Variants in MSI2 observed in about 807,000 individuals in gnomAD.
MSI2 encodes RNA-binding protein Musashi homolog 2.
A neutral mutation model predicts 45.6 loss-of-function variants in MSI2; 17 were observed. The ratio of observed to expected loss-of-function variants is 0.37; its 90% confidence interval spans 0.26 to 0.56. The LOEUF (loss-of-function observed/expected upper bound fraction) is 0.56. MSI2 is among the 20% of genes least tolerant of loss of function. The pLI, the probability that MSI2 is intolerant of heterozygous loss-of-function variation, is 0.77. For missense variants in MSI2, 293 were observed against 444.2 expected (o/e 0.66, Z 3.06); for synonymous variants, 156 against 158.2 (o/e 0.99, Z 0.11).
chr17:57,534,531 G>A lies in MSI2; in HGVS notation c.454+4807G>A, dbSNP rs568729534. 2.6e-5 allele frequency among the ~76,000 whole-genome samples: 4 copies of A among 152,270 alleles called. No homozygotes were observed. The East Asian group carries it at 7.7e-4, about 29-fold the overall frequency. ...GTTCAAGACCAGCCTGGCCAACATG[G>A]TGATACCCTGTCTCTACTAAAAATA... On this transcript the variant is annotated intron_variant, in intron 7 of 13. Transcript: ENST00000284073.
At chr17:57,549,664 A>T (rs1396869624) in intron 7 of MSI2, among the ~76,000 whole-genome samples, 1 of 152,184 alleles carries the variant, frequency 6.6e-6, no homozygotes. Context: ...CCCTCCATTT[A>T]CCTAATGGGT....
At chr17:57,575,449 G>T (rs184538710) in intron 7 of MSI2, among the ~76,000 whole-genome samples, 1 of 152,140 alleles carries the variant, frequency 6.6e-6, no homozygotes, top group African/African-American at 2.4e-5. Context: ...CCAAGCTGCC[G>T]CAGCCTGGAG....
chr17:57,632,453 G>A (rs1909470908), intron 10 of MSI2: 2 of 1,065,960 alleles, frequency 1.9e-6, no homozygotes, highest in South Asian at 4.5e-5. Flanking sequence ...GGACAGTGGA[G>A]TCATCCAGGT....
chr17:57,500,861 G>T (rs1396409307), intron 6 of MSI2, among the ~76,000 whole-genome samples: 2 of 151,294 alleles, frequency 1.3e-5, no homozygotes, highest in Non-Finnish European at 2.9e-5. Context: ...TACTTGGGAG[G>T]CTGAGGTGGG....
Position 57,273,425 on chromosome 17 carries a change from G to A in MSI2, c.312+11233G>A, listed in dbSNP as rs529175065. Among the ~76,000 whole-genome samples the A allele has an allele frequency of 2.0e-5, 3 of 149,450 alleles. No homozygotes were observed. In the South Asian group the frequency reaches 6.3e-4, roughly 31 times the overall value. ...TTTCCCTGCAGTACACGATGTTCAG[G>A]TTAATGTCCATACACGTCCCATATT... is the stretch of plus-strand genomic sequence containing the variant. On this transcript the variant is annotated intron_variant, in intron 5 of 13. Transcript: ENST00000284073.
the MSI2 span, among the ~76,000 whole-genome samples, chr17:57,691,233 A>G: frequency 7.2e-6 from 1 of 138,410 alleles, no homozygotes; most frequent in South Asian, 2.2e-4. Context: ...CTATCTATCT[A>G]TCTATCTATA....
intron 5 of MSI2, among the ~76,000 whole-genome samples, chr17:57,269,531 T>A (rs1008472456): frequency 6.6e-6 from 1 of 152,214 alleles, no homozygotes; most frequent in Admixed American, 6.5e-5. Flanking sequence ...GTGATGCTCT[T>A]AGCAGATGCC....
chr17:57,617,993 C>A (rs1907888197), intron 9 of MSI2: 4 of 152,158 alleles, frequency 2.6e-5, no homozygotes, highest in South Asian at 4.2e-4. Flanking sequence ...ATCGCTTGAA[C>A]CCAGGAGGCA....
chr17:57,574,169 C>T (rs1309668017), intron 7 of MSI2, among the ~76,000 whole-genome samples: 1 of 152,142 alleles, frequency 6.6e-6, no homozygotes, highest in Non-Finnish European at 1.5e-5. Context: ...TCCATCCTAG[C>T]CCCAGCAATG....
chr17:57,659,312 TC>T (rs1445431558), intron 11 of MSI2, among the ~76,000 whole-genome samples: 1 of 152,084 alleles, frequency 6.6e-6, no homozygotes, highest in African/African-American at 2.4e-5. Flanking sequence ...CTCAAGCTGG[TC>T]TCAAACTCCT....
chr17:57,333,635 T>A (rs1239048011), intron 5 of MSI2, among the ~76,000 whole-genome samples: 1 of 151,950 alleles, frequency 6.6e-6, no homozygotes, highest in Non-Finnish European at 1.5e-5. Flanking sequence ...AGAGACAGGG[T>A]TTTGCCATGT....
chr17:57,413,171 ACTCT>A (rs375283886), intron 6 of MSI2, among the ~76,000 whole-genome samples: 3 of 145,632 alleles, frequency 2.1e-5, no homozygotes, highest in African/African-American at 8.2e-5. Context: ...ACACACACAC[ACTCT>A]CTCTCTCTCT....
chr17:57,628,408 G>C (rs1163087927), intron 10 of MSI2: 1 of 152,230 alleles, frequency 6.6e-6, no homozygotes. Context: ...ATTGGGGCGG[G>C]AAGGGTGTAG....
intron 8 of MSI2, chr17:57,601,589 T>C (rs1598438268): frequency 6.6e-6 from 1 of 151,646 alleles, no homozygotes; most frequent in South Asian, 2.1e-4. Context: ...GGAAGGGAGG[T>C]GAGAATTGAC....
intron 5 of MSI2, among the ~76,000 whole-genome samples, chr17:57,321,735 TG>T (rs1913359961): frequency 6.6e-6 from 1 of 152,122 alleles, no homozygotes. Context: ...TTTTCAGTCT[TG>T]GGAAACAGCC....
At chr17:57,474,985 G>A (rs188949351) in intron 6 of MSI2, among the ~76,000 whole-genome samples, 1 of 152,282 alleles carries the variant, frequency 6.6e-6, no homozygotes, top group East Asian at 1.9e-4. Flanking sequence ...GCATCCCAAA[G>A]TGCTGGGATT....
At chr17:57,650,255 C>T (rs1046468014) in intron 10 of MSI2, among the ~76,000 whole-genome samples, 2 of 152,000 alleles carry the variant, frequency 1.3e-5, no homozygotes, top group African/African-American at 4.8e-5. Context: ...TCCAAGGAAA[C>T]CCGCTGTTTT....
intron 7 of MSI2, among the ~76,000 whole-genome samples, chr17:57,535,967 T>G (rs552039143): frequency 1.3e-5 from 2 of 152,348 alleles, no homozygotes; most frequent in African/African-American, 4.8e-5. Flanking sequence ...CTTAATGTTT[T>G]GAATACCTGC....
At chr17:57,514,712 C>T (rs1463294330) in intron 6 of MSI2, among the ~76,000 whole-genome samples, 1 of 149,696 alleles carries the variant, frequency 6.7e-6, no homozygotes, top group East Asian at 1.9e-4. Context: ...TTCTTTTTTC[C>T]CCCTTAGGGT....
Sources: allele counts gnomAD v4.1 joint callset (sites outside exome capture counted in the v4.1 genomes callset), GRCh38; gene constraint gnomAD v4.1.1; transcripts MANE v1.5; gene names NCBI Gene and HGNC (gene_info 2026-07-23, HGNC 2026-07-21).